COL25A1: variants seen among roughly 807,000 people sequenced by gnomAD.
COL25A1 encodes collagen alpha-1(XXV) chain.
COL25A1 carries 103 observed loss-of-function variants against 128.4 expected under a neutral mutation model. That is an observed-to-expected ratio of 0.80 (90% CI 0.68 to 0.94). The LOEUF (loss-of-function observed/expected upper bound fraction) is 0.94, where lower values mean the gene tolerates loss of function less well. COL25A1 is among the 40% of genes least tolerant of loss of function. The pLI, the probability that COL25A1 is intolerant of heterozygous loss-of-function variation, is 0.00. For missense variants in COL25A1, 745 were observed against 840.0 expected, an observed-to-expected ratio of 0.89 and a Z score of 1.40; for synonymous variants, 279 against 277.2, an observed-to-expected ratio of 1.01 and a Z score of -0.06.
At chr4:109,131,198 T>A (rs1309894550) in intron 3 of COL25A1, among the ~76,000 whole-genome samples, 2 of 152,190 alleles carry the variant, frequency 1.3e-5, no homozygotes, top group Non-Finnish European at 2.9e-5. Context: ...AAGATAATAT[T>A]TTGGAAACAT....
At chr4:109,179,300 C>A (rs949975355) in intron 3 of COL25A1, among the ~76,000 whole-genome samples, 3 of 152,340 alleles carry the variant, frequency 2.0e-5, no homozygotes, top group South Asian at 2.1e-4. Context: ...CACCTCCCCC[C>A]ACTGCACCTG....
intron 36 of COL25A1, among the ~76,000 whole-genome samples, chr4:108,818,386 A>G (rs1731446215): frequency 6.6e-6 from 1 of 152,294 alleles, no homozygotes; most frequent in Non-Finnish European, 1.5e-5. Flanking sequence ...GAACATGCAG[A>G]CCAATATAAC....
chr4:109,065,131 G>A lies in COL25A1; in HGVS notation c.368-14952C>T, dbSNP rs550446391. Among the ~76,000 whole-genome samples the A allele has an allele frequency of 3.9e-5, 6 of 152,316 alleles. No homozygotes were observed. The South Asian group carries it at 1.0e-3, about 26-fold the overall frequency. ...GGACTGGACTGATGGCTACAGCTGA[G>A]AAATTCCAAAGGGATTGAGGAGGGG... On this transcript the variant is annotated intron_variant, in intron 3 of 37. Coordinates refer to ENST00000399132, the MANE Select transcript of COL25A1 (RefSeq NM_198721.4).
At chr4:109,254,393 C>T (rs895142973) in intron 3 of COL25A1, among the ~76,000 whole-genome samples, 4 of 146,752 alleles carry the variant, frequency 2.7e-5, no homozygotes, top group African/African-American at 7.5e-5. Context: ...AGGCTGGGAA[C>T]GCTATTGAGC....
intron 18 of COL25A1, among the ~76,000 whole-genome samples, chr4:108,886,490 G>GTTTTTTTTTTTTTTTT (rs201934712): frequency 2.4e-5 from 1 of 41,862 alleles, no homozygotes; most frequent in African/African-American, 7.6e-5. Flanking sequence ...GTGTGTGTGT[G>GTTTTTTTTTTTTTTTT]TGTTTAGCTC....
At chr4:109,010,719 G>T (rs1756495722) in intron 5 of COL25A1, among the ~76,000 whole-genome samples, 1 of 152,194 alleles carries the variant, frequency 6.6e-6, no homozygotes. Flanking sequence ...GAGTCTTGCA[G>T]CATAGGCTGT....
At chr4:108,904,026 C>CA (rs1019046570) in intron 13 of COL25A1, among the ~76,000 whole-genome samples, 37 of 152,086 alleles carry the variant, frequency 2.4e-4, no homozygotes, top group African/African-American at 8.7e-4. Flanking sequence ...CGTCACGAAA[C>CA]ACATACTCCA....
chr4:109,050,983 T>C (rs1760929609), intron 3 of COL25A1, among the ~76,000 whole-genome samples: 1 of 152,118 alleles, frequency 6.6e-6, no homozygotes, highest in African/African-American at 2.4e-5. Flanking sequence ...GCCATTATTC[T>C]CAATTATATA....
intron 6 of COL25A1, among the ~76,000 whole-genome samples, chr4:109,005,492 T>A (rs917371402): frequency 6.6e-6 from 1 of 152,156 alleles, no homozygotes; most frequent in Non-Finnish European, 1.5e-5. Flanking sequence ...CCTAATTAGA[T>A]CTTCCTGTAG....
chr4:109,230,193 T>G lies in COL25A1; in HGVS notation c.367+70390A>C, dbSNP rs983167755. On this transcript the variant is annotated intron_variant, in intron 3 of 37. Transcript: ENST00000399132. The stretch of plus-strand genomic sequence containing the variant: ...TTTAGGTGGGGACAAATATCCAAAC[T>G]ATATCAAGGGGTTACAAGTAAATTT... 2.6e-5 allele frequency among the ~76,000 whole-genome samples: 4 copies of G among 152,244 alleles called. No homozygotes were observed. In the East Asian group the frequency reaches 7.7e-4, roughly 29 times the overall value.
At chr4:109,219,694 C>T (rs1019053913) in intron 3 of COL25A1, among the ~76,000 whole-genome samples, 3 of 152,150 alleles carry the variant, frequency 2.0e-5, no homozygotes, top group Admixed American at 6.6e-5. Flanking sequence ...CACAAGCAGC[C>T]TCCTATGACT....
intron 4 of COL25A1, among the ~76,000 whole-genome samples, chr4:109,048,559 T>G (rs780190137): frequency 6.6e-6 from 1 of 152,188 alleles, no homozygotes; most frequent in Non-Finnish European, 1.5e-5. Flanking sequence ...TTTCTTGAGT[T>G]TGATAAAACA....
intron 13 of COL25A1, among the ~76,000 whole-genome samples, chr4:108,913,641 A>G (rs1304148241): frequency 6.6e-6 from 1 of 152,152 alleles, no homozygotes; most frequent in Non-Finnish European, 1.5e-5. Context: ...ATTTGTTCTT[A>G]TGGATGCTAA....
chr4:109,057,421 ATTTTTTT>A (rs776941019), intron 3 of COL25A1, among the ~76,000 whole-genome samples: 6 of 20,238 alleles, frequency 3.0e-4, no homozygotes, highest in East Asian at 2.4e-3. Context: ...TGCCTAGCTA[ATTTTTTT>A]TTTTTTTTTT....
intron 24 of COL25A1, among the ~76,000 whole-genome samples, chr4:108,857,111 G>T (rs950900074): frequency 2.0e-5 from 3 of 152,028 alleles, no homozygotes; most frequent in Non-Finnish European, 4.4e-5. Flanking sequence ...TGCAGAAAAT[G>T]CCCAATTATA....
intron 11 of COL25A1, among the ~76,000 whole-genome samples, chr4:108,923,035 A>G (rs763297293): frequency 2.0e-5 from 3 of 152,096 alleles, no homozygotes; most frequent in South Asian, 4.1e-4. Flanking sequence ...ACACACACAC[A>G]CGTGTGCGCA....
In COL25A1 at chr4:108,812,018, A is replaced by T. The variant is rs568626659; in HGVS notation, c.*1909T>A. ...GAAATCTTCCCAGAAGATGGCATTG[A>T]GTCAGGAGAGAAATTAAATTCTCTA... On this transcript the variant is annotated 3_prime_UTR_variant, in exon 38 of 38. Transcript: ENST00000399132. 1 of 152,166 alleles carries T rather than the reference A, an allele frequency of 6.6e-6. No homozygotes were observed. Among genetic ancestry groups the T allele is most frequent in the Admixed American group, 6.5e-5 (1 of 15,272 alleles). 9.4% of individuals were successfully genotyped at this position (152,166 alleles called of 1,614,324 possible).
chr4:109,294,172 G>A (rs1383696460), intron 3 of COL25A1, among the ~76,000 whole-genome samples: 1 of 152,096 alleles, frequency 6.6e-6, no homozygotes, highest in Non-Finnish European at 1.5e-5. Context: ...AACTGGGAAG[G>A]AGGCAGAAGA....
At position 108,896,686 on chromosome 4, in the gene COL25A1, T is replaced by C; in HGVS notation, c.887A>G (p.Lys296Arg). The C allele has an allele frequency of 1.9e-6, 3 of 1,614,024 alleles. No homozygotes were observed. The highest frequency in any genetic ancestry group is 1.7e-6 in the Non-Finnish European group (2 of 1,179,938). ...CTGTACCTTTTCGCCTGTGTCACCC[T>C]TGGGGCCGTTCTCTCCAGCGTCTCC... is the stretch of plus-strand genomic sequence containing the variant. ...EKGDAGENGP[K>R]GDTGEKGDPG... The change falls in exon 16 of 38, where the codon AAG becomes AGG. Residue 296 changes from lysine to arginine, a missense_variant. Lys to Arg is a conservative substitution (Grantham distance 26). This residue lies in a region of COL25A1 where 39 missense variants were observed against 73.3 expected (regional missense o/e 0.53). Coordinates refer to ENST00000399132, the MANE Select transcript of COL25A1 (RefSeq NM_198721.4).
Sources: allele counts gnomAD v4.1 joint callset (sites outside exome capture counted in the v4.1 genomes callset), GRCh38; gene constraint gnomAD v4.1.1; regional missense constraint gnomAD v4.1.1; transcripts MANE v1.5; gene names NCBI Gene and HGNC (gene_info 2026-07-23, HGNC 2026-07-21).